EPHA7: variants seen among roughly 807,000 people sequenced by gnomAD.
EPHA7 encodes the protein EPH receptor A7.
In EPHA7, 25 loss-of-function variants were observed where a neutral mutation model predicts 112.6. The observed-to-expected ratio is 0.22, with a 90% CI of 0.16 to 0.31. EPHA7 has a LOEUF of 0.31. EPHA7 is among the 10% of genes least tolerant of loss of function. The probability of loss-of-function intolerance (pLI) is 1.00; values close to 1 mark genes in which losing one functional copy is unlikely to be tolerated. For synonymous variants in EPHA7, 437 were observed against 406.5 expected, an observed-to-expected ratio of 1.07 and a Z score of -0.90; for missense variants, 962 against 1,212.6, an observed-to-expected ratio of 0.79 and a Z score of 3.07.
chr6:93,419,175 C>G, intron 1 of EPHA7, 70 bp downstream of exon 1: 1 of 1,291,100 alleles, frequency 7.7e-7, no homozygotes. Flanking sequence ...GCGCCGCGGA[C>G]GAGCTGGCTT....
chr6:93,370,265 T>A (rs1776723200), intron 3 of EPHA7, among the ~76,000 whole-genome samples: 1 of 152,122 alleles, frequency 6.6e-6, no homozygotes, highest in Non-Finnish European at 1.5e-5. Context: ...AAGGCAAAAA[T>A]TTAAAGAATA....
chr6:93,406,544 T>C lies in EPHA7; in HGVS notation c.832+3957A>G, dbSNP rs577439745. 1.6e-4 allele frequency among the ~76,000 whole-genome samples: 25 copies of C among 152,012 alleles called. No individual in the cohort carries two copies. In the South Asian group the frequency reaches 4.8e-3, roughly 29 times the overall value. ...AGACTTGAATTGGTAAACAGGATTTTTGAATTCTTATCCAATTTTGTTACT... is the reference window on the plus strand; with the variant it reads ...AGACTTGAATTGGTAAACAGGATTTCTGAATTCTTATCCAATTTTGTTACT... On this transcript the variant is annotated intron_variant, in intron 3 of 16. Transcript: ENST00000369303.
intron 3 of EPHA7, among the ~76,000 whole-genome samples, chr6:93,401,310 TG>T (rs1224996540): frequency 6.6e-6 from 1 of 152,166 alleles, no homozygotes; most frequent in Non-Finnish European, 1.5e-5. Flanking sequence ...TGGGTTTCTT[TG>T]TTCTTATGTC....
chr6:93,254,869 A>G, intron 13 of EPHA7, 73 bp from the exon 14 acceptor site: 4 of 1,288,270 alleles, frequency 3.1e-6, no homozygotes, highest in Non-Finnish European at 4.2e-6. Context: ...TACCATAAAT[A>G]CATATGTGCA....
chr6:93,325,377 G>T (rs1774268753), intron 5 of EPHA7, among the ~76,000 whole-genome samples: 2 of 151,104 alleles, frequency 1.3e-5, no homozygotes, highest in South Asian at 4.2e-4. Flanking sequence ...CAAAACAAAA[G>T]CCAGGCTTAT....
intron 3 of EPHA7, among the ~76,000 whole-genome samples, chr6:93,400,842 T>C (rs994347261): frequency 4.6e-5 from 7 of 152,112 alleles, no homozygotes; most frequent in Non-Finnish European, 7.4e-5. Context: ...CTACCAAGAA[T>C]GATTTCTTTA....
chr6:93,257,184 A>T (rs1770478395), intron 12 of EPHA7, among the ~76,000 whole-genome samples: 5 of 152,080 alleles, frequency 3.3e-5, no homozygotes, highest in Admixed American at 1.3e-4. Flanking sequence ...ACTGTTTTAT[A>T]ACATGAATTC....
At chr6:93,278,840 A>C (rs1333246610) in intron 5 of EPHA7, among the ~76,000 whole-genome samples, 1 of 151,910 alleles carries the variant, frequency 6.6e-6, no homozygotes, top group African/African-American at 2.4e-5. Context: ...TTTTCAATAT[A>C]CTGCAAAATT....
In EPHA7 at chr6:93,356,964, T is replaced by G. The variant is rs752857901; in HGVS notation, c.1077A>C (p.Gly359=). 2 of 1,614,138 alleles carry G rather than the reference T, an allele frequency of 1.2e-6. No homozygotes were observed. The highest frequency in any genetic ancestry group is 2.2e-5 in the South Asian group (2 of 91,082). ...LEWSPPADNG[G]RNDVTYRILC... ...ATATTCTGTAGGTCACATCGTTTCT[T>G]CCCCCATTGTCTGCAGGAGGACTCC... Residue 359 remains glycine, a synonymous_variant, in exon 5 of 17, where the codon GGA becomes GGC. Coordinates refer to ENST00000369303, the MANE Select transcript of EPHA7 (RefSeq NM_004440.4).
chr6:93,302,363 G>A (rs1023354776), intron 5 of EPHA7, among the ~76,000 whole-genome samples: 4 of 152,028 alleles, frequency 2.6e-5, no homozygotes, highest in South Asian at 4.2e-4. Flanking sequence ...TGGGTTCTTT[G>A]ACCTCTCGTT....
At chr6:93,385,375 G>C (rs755543125) in intron 3 of EPHA7, among the ~76,000 whole-genome samples, 2 of 152,000 alleles carry the variant, frequency 1.3e-5, no homozygotes, top group East Asian at 3.8e-4. Context: ...AGTCAGAAAG[G>C]AATAATAAAA....
chr6:93,272,085 A>G (rs1169322367), intron 6 of EPHA7, among the ~76,000 whole-genome samples: 1 of 151,920 alleles, frequency 6.6e-6, no homozygotes, highest in African/African-American at 2.4e-5. Context: ...GGATACTTTC[A>G]TTTGTGTAAC....
intron 4 of EPHA7, 89 bp from the exon 5 acceptor site, chr6:93,357,141 T>A (rs981707633): frequency 1.0e-6 from 1 of 989,826 alleles, no homozygotes; most frequent in African/African-American, 1.6e-5. Context: ...GTGTGGGGCA[T>A]TAAGCTAGTG....
In EPHA7 at chr6:93,353,874, A is replaced by C. The variant is rs143610935; in HGVS notation, c.1324+2843T>G. Among the ~76,000 whole-genome samples the C allele has an allele frequency of 6.0e-4, 92 of 152,202 alleles. 1 individual carries two copies. The East Asian group carries it at 0.017, about 28-fold the overall frequency. ...AGCAAAGGATATTCAATACACTTCT[A>C]CTCACACAAATACTGGTAAAGGGTC... On this transcript the variant is annotated intron_variant, in intron 5 of 16. Coordinates refer to ENST00000369303, the MANE Select transcript of EPHA7 (RefSeq NM_004440.4).
intron 3 of EPHA7, among the ~76,000 whole-genome samples, chr6:93,370,171 A>G (rs965960097): frequency 7.9e-5 from 12 of 152,200 alleles, no homozygotes; most frequent in Non-Finnish European, 1.0e-4. Context: ...CTCTGAACAC[A>G]GGGGAGAAAA....
intron 13 of EPHA7, among the ~76,000 whole-genome samples, chr6:93,255,038 G>C (rs774937191): frequency 1.6e-4 from 24 of 151,960 alleles, no homozygotes; most frequent in Non-Finnish European, 2.6e-4. Flanking sequence ...GTTAGGGCAA[G>C]AGTATATTGA....
intron 5 of EPHA7, among the ~76,000 whole-genome samples, chr6:93,342,189 T>C (rs1178944338): frequency 1.3e-5 from 2 of 151,868 alleles, no homozygotes; most frequent in African/African-American, 2.4e-5. Context: ...AGGCATTTTT[T>C]AAAAAGCCTA....
intron 6 of EPHA7, among the ~76,000 whole-genome samples, chr6:93,270,089 A>G (rs1365551229): frequency 6.6e-6 from 1 of 151,672 alleles, no homozygotes; most frequent in East Asian, 1.9e-4. Flanking sequence ...AAAATCCAGA[A>G]AGTTATTAAA....
At chr6:93,324,690 C>G (rs1039337995) in intron 5 of EPHA7, among the ~76,000 whole-genome samples, 1 of 151,388 alleles carries the variant, frequency 6.6e-6, no homozygotes, top group Non-Finnish European at 1.5e-5. Flanking sequence ...ACTGCAGAAA[C>G]ATGATCAAGA....
Sources: allele counts gnomAD v4.1 joint callset (sites outside exome capture counted in the v4.1 genomes callset), GRCh38; gene constraint gnomAD v4.1.1; transcripts MANE v1.5; gene names NCBI Gene and HGNC (gene_info 2026-07-23, HGNC 2026-07-21).